Variants in GLP2R observed in about 807,000 individuals in gnomAD.
GLP2R encodes glucagon-like peptide 2 receptor.
A neutral mutation model predicts 68.2 loss-of-function variants in GLP2R; 59 were observed. The observed-to-expected ratio is 0.87, with a 90% CI of 0.70 to 1.07. The LOEUF (loss-of-function observed/expected upper bound fraction) is 1.07. Among genes scored for constraint, GLP2R ranks in the 50% least tolerant of loss-of-function variants. The probability of loss-of-function intolerance (pLI) is 0.00; values close to 1 mark genes in which losing one functional copy is unlikely to be tolerated. For missense variants in GLP2R, 548 were observed against 677.4 expected, an observed-to-expected ratio of 0.81 and a Z score of 2.12; for synonymous variants, 270 against 265.4, an observed-to-expected ratio of 1.02 and a Z score of -0.17.
chr17:9,843,955 G>A lies in GLP2R; in HGVS notation c.504+1339G>A, dbSNP rs923501638. On this transcript the variant is annotated intron_variant, in intron 4 of 12. Coordinates refer to ENST00000262441, the MANE Select transcript of GLP2R (RefSeq NM_004246.3). ...TGTGAGGCATAGGGACAGTGTGATC[G>A]TTGCTGGGAGGGAAGTGTCAGATGC... is the stretch of plus-strand genomic sequence containing the variant. 7.2e-5 allele frequency among the ~76,000 whole-genome samples: 11 copies of A among 152,194 alleles called. No individual in the cohort carries two copies. In the East Asian group the frequency reaches 1.9e-3, roughly 27 times the overall value.
At chr17:9,842,684 G>A in intron 4 of GLP2R, 68 bp downstream of exon 4, 1 of 1,557,236 alleles carries the variant, frequency 6.4e-7, no homozygotes, top group East Asian at 2.2e-5. Context: ...ACACCCCAGT[G>A]GCCTGCTGGC....
intron 9 of GLP2R, 102 bp from the exon 10 acceptor site, chr17:9,870,645 C>T (rs1430283287): frequency 2.8e-6 from 2 of 722,640 alleles, no homozygotes; most frequent in African/African-American, 3.5e-5. Context: ...CCCTGGTTTA[C>T]ATTGAACTGA....
intron 4 of GLP2R, among the ~76,000 whole-genome samples, chr17:9,848,279 TGA>T (rs757652315): frequency 3.9e-5 from 6 of 152,306 alleles, no homozygotes; most frequent in Admixed American, 1.3e-4. Flanking sequence ...TCAAACTGTT[TGA>T]GAACAACAAC....
rs937961101 is a variant in GLP2R, at chr17:9,848,795, ATATGT to A, written c.505-5693_505-5689del. Among the ~76,000 whole-genome samples the A allele has an allele frequency of 3.7e-4, 57 of 152,020 alleles. No individual in the cohort carries two copies. The Middle Eastern group carries it at 0.014, about 37-fold the overall frequency. On this transcript the variant is annotated intron_variant, in intron 4 of 12. Transcript: ENST00000262441. ...GCCCTTCAGAGTTTTGGCAAACAAA[ATATGT>A]TATGTTCTTCCAACTAACGAGATGC... is the stretch of plus-strand genomic sequence containing the variant.
chr17:9,871,730 T>TC, intron 10 of GLP2R, among the ~76,000 whole-genome samples: 1 of 145,086 alleles, frequency 6.9e-6, no homozygotes, highest in East Asian at 2.0e-4. Context: ...TCTTTTTTTT[T>TC]TTTTTTTTTT....
chr17:9,882,268 A>G (rs2067203954), intron 11 of GLP2R, among the ~76,000 whole-genome samples: 1 of 152,238 alleles, frequency 6.6e-6, no homozygotes, highest in African/African-American at 2.4e-5. Context: ...ATTGCCAGAT[A>G]CAGTGGCCGT....
rs750691771 is a variant in GLP2R, at chr17:9,854,515, G to A, written c.525G>A (p.Leu175=). The change falls in exon 5 of 13, where the codon CTG becomes CTA. Residue 175 remains leucine (L), a synonymous_variant. Transcript: ENST00000262441. ...TTCAGGTGGATCGTTATGCCTTGCT[G>A]TCAACCTTGCAGCTGATGTACACCG... is the stretch of plus-strand genomic sequence containing the variant. ...FKQNVDRYAL[L]STLQLMYTVG... 94 of 1,609,772 alleles carry A rather than the reference G, an allele frequency of 5.8e-5. No individual in the cohort carries two copies. The highest frequency in any genetic ancestry group is 8.3e-5 in the Admixed American group (5 of 60,004).
chr17:9,879,001 C>A (rs1404756266), intron 10 of GLP2R, among the ~76,000 whole-genome samples: 1 of 152,004 alleles, frequency 6.6e-6, no homozygotes, highest in Non-Finnish European at 1.5e-5. Context: ...TTTGTTCGTA[C>A]CCCGAATATG....
intron 11 of GLP2R, among the ~76,000 whole-genome samples, chr17:9,885,152 T>C (rs1420828889): frequency 1.2e-5 from 1 of 80,096 alleles, no homozygotes; most frequent in Non-Finnish European, 2.3e-5. Context: ...AACCATTTTA[T>C]TATTATTATT....
rs185421828 is a variant in GLP2R at position 9,844,890 on chromosome 17, C to A, written c.504+2274C>A. 3.2e-3 allele frequency among the ~76,000 whole-genome samples: 487 copies of A among 151,312 alleles called. 2 individuals are homozygous for A. Among genetic ancestry groups the A allele is most frequent in the African/African-American group, 0.011 (473 of 41,282 alleles). Reference sequence around the variant, plus strand: ...ATCTTTAGTAGAGACGGGGTTTCACCATGTTGTCCAGGCTGGTCTCGAACT... The same window carrying A: ...ATCTTTAGTAGAGACGGGGTTTCACAATGTTGTCCAGGCTGGTCTCGAACT... On this transcript the variant is annotated intron_variant, in intron 4 of 12. Transcript: ENST00000262441.
At chr17:9,861,900 C>CTGAT in intron 8 of GLP2R, 121 bp from the exon 9 acceptor site, 1 of 750,984 alleles carries the variant, frequency 1.3e-6, no homozygotes, top group South Asian at 1.5e-5. Context: ...CCTCAGGGGA[C>CTGAT]TGATTGGTGG....
intron 10 of GLP2R, among the ~76,000 whole-genome samples, chr17:9,876,190 T>C (rs1179610339): frequency 6.6e-6 from 1 of 152,234 alleles, no homozygotes; most frequent in East Asian, 1.9e-4. Context: ...CAAGCATTTC[T>C]TAACATGCTA....
At chr17:9,842,953 C>T (rs2066801881) in intron 4 of GLP2R, among the ~76,000 whole-genome samples, 2 of 152,206 alleles carry the variant, frequency 1.3e-5, no homozygotes, top group Non-Finnish European at 2.9e-5. Flanking sequence ...ATATCTCCTT[C>T]AAAGAGAGAT....
Position 9,889,866 on chromosome 17 carries a change from A to AT in GLP2R, c.*162dup. The AT allele has an allele frequency of 6.3e-6, 4 of 633,172 alleles. No homozygotes were observed. In the South Asian group the frequency reaches 7.3e-5, roughly 12 times the overall value. 39.2% of individuals were successfully genotyped at this position (633,172 alleles called of 1,614,324 possible). A position where few individuals can be genotyped will look rare whatever the true frequency, so the allele number is the denominator to read the frequency against. On this transcript the variant is annotated 3_prime_UTR_variant, in exon 13 of 13. Coordinates refer to ENST00000262441, the MANE Select transcript of GLP2R (RefSeq NM_004246.3). The stretch of plus-strand genomic sequence containing the variant: ...TATCACAAGGTTCTTCAAGCTCTGT[A>AT]TGAAAGAGGCTGTGTGTCATGCTCA...
intron 11 of GLP2R, among the ~76,000 whole-genome samples, chr17:9,883,641 A>G (rs1039778927): frequency 2.0e-5 from 3 of 152,230 alleles, no homozygotes; most frequent in East Asian, 1.9e-4. Context: ...TGTAGGGACC[A>G]ATGATACAAT....
At chr17:9,844,981 G>A (rs1169984525) in intron 4 of GLP2R, among the ~76,000 whole-genome samples, 11 of 151,498 alleles carry the variant, frequency 7.3e-5, no homozygotes, top group African/African-American at 1.7e-4. Flanking sequence ...ATGGGCCACC[G>A]TGCCTGGTCC....
chr17:9,864,334 T>C (rs16958855), intron 9 of GLP2R, among the ~76,000 whole-genome samples: 1 of 152,200 alleles, frequency 6.6e-6, no homozygotes, highest in Non-Finnish European at 1.5e-5. Flanking sequence ...CCCCAGGTTT[T>C]GGATGAACAT....
At chr17:9,869,906 G>A (rs1194366371) in intron 9 of GLP2R, among the ~76,000 whole-genome samples, 1 of 152,192 alleles carries the variant, frequency 6.6e-6, no homozygotes, top group Non-Finnish European at 1.5e-5. Context: ...CACTTTTGAA[G>A]GCAGAAGGGC....
At chr17:9,882,862 C>T (rs1597405275) in intron 11 of GLP2R, among the ~76,000 whole-genome samples, 1 of 152,014 alleles carries the variant, frequency 6.6e-6, no homozygotes, top group African/African-American at 2.4e-5. Flanking sequence ...AAACCACCAC[C>T]ACCACTCCAG....
Sources: gnomAD v4.1 joint callset for allele counts (sites outside exome capture counted in the v4.1 genomes callset) on GRCh38, gnomAD v4.1.1 for gene constraint, MANE v1.5 for transcripts, NCBI Gene and HGNC (gene_info 2026-07-23, HGNC 2026-07-21) for gene names.